Variants in DMD observed in about 807,000 individuals in gnomAD.
DMD encodes mutant dystrophin.
In DMD, 63 loss-of-function variants were observed where a neutral mutation model predicts 330.1. The ratio of observed to expected loss-of-function variants is 0.19; its 90% CI spans 0.16 to 0.24. DMD has a LOEUF of 0.24. Among genes scored for constraint, DMD ranks in the 10% least tolerant of loss-of-function variants. The pLI, the probability that DMD is intolerant of heterozygous loss-of-function variation, is 1.00. For missense variants in DMD, 3,344 were observed against 2,684.1 expected, an observed-to-expected ratio of 1.25 and a Z score of -5.43; for synonymous variants, 1,223 against 959.8, an observed-to-expected ratio of 1.27 and a Z score of -5.07.
intron 2 of DMD, among the ~76,000 whole-genome samples, chrX:32,997,244 C>T (rs761545983): frequency 3.7e-4 from 40 of 107,920 alleles, no homozygotes; most frequent in Middle Eastern, 9.8e-3. Context: ...GAGAGCCTCC[C>T]GCCATTTTTT....
intron 60 of DMD, among the ~76,000 whole-genome samples, chrX:31,372,850 G>A (rs1037413931): frequency 9.0e-5 from 10 of 111,108 alleles, no homozygotes; most frequent in African/African-American, 3.3e-4. Flanking sequence ...AGGAAATAAA[G>A]GGTATTCAAT....
intron 12 of DMD, among the ~76,000 whole-genome samples, chrX:32,597,155 C>T (rs1471274211): frequency 1.8e-5 from 2 of 111,762 alleles, no homozygotes; most frequent in Non-Finnish European, 3.8e-5. Flanking sequence ...TCATTCAGGA[C>T]TCAATGTAAG....
At chrX:32,496,493 T>C (rs1471758409) in intron 19 of DMD, among the ~76,000 whole-genome samples, 2 of 112,151 alleles carry the variant, frequency 1.8e-5, no homozygotes, top group African/African-American at 3.2e-5. Context: ...ATACCCCTAG[T>C]GAGGGCAATA....
At chrX:31,325,087 G>T (rs1183383329) in intron 61 of DMD, among the ~76,000 whole-genome samples, 1 of 111,763 alleles carries the variant, frequency 8.9e-6, no homozygotes, top group African/African-American at 3.3e-5. Flanking sequence ...AGAGAAAAAA[G>T]ACATTTAGCT....
At chrX:31,993,467 G>C (rs950655769) in intron 44 of DMD, among the ~76,000 whole-genome samples, 7 of 111,481 alleles carry the variant, frequency 6.3e-5, no homozygotes, top group Non-Finnish European at 1.3e-4. Context: ...GCTAATGTCA[G>C]ATGGAAACAA....
At chrX:33,137,064 C>T (rs2095531943) in intron 1 of DMD, among the ~76,000 whole-genome samples, 1 of 110,239 alleles carries the variant, frequency 9.1e-6, no homozygotes, top group Non-Finnish European at 1.9e-5. Context: ...CTAGAAATAT[C>T]CTTTCTATAA....
At chrX:33,269,309 A>G (rs756260429) in intron 1 of DMD, among the ~76,000 whole-genome samples, 5 of 111,450 alleles carry the variant, frequency 4.5e-5, no homozygotes, top group African/African-American at 6.5e-5. Context: ...GAGCTGGAGG[A>G]CATTATATTA....
At chrX:31,134,359 A>G (rs1569313627) in intron 76 of DMD, among the ~76,000 whole-genome samples, 165 bp from the exon 77 acceptor site, 1 of 111,177 alleles carries the variant, frequency 9.0e-6, no homozygotes, top group African/African-American at 3.3e-5. Flanking sequence ...TTTAAAGGGA[A>G]GAAGAAATCC....
intron 2 of DMD, among the ~76,000 whole-genome samples, chrX:32,915,979 T>G (rs950620468): frequency 9.0e-6 from 1 of 111,502 alleles, no homozygotes; most frequent in Non-Finnish European, 1.9e-5. Context: ...TGAAAATGAT[T>G]GATGAACTGT....
At chrX:32,730,957 C>T (rs1040173378) in intron 7 of DMD, among the ~76,000 whole-genome samples, 1 of 111,656 alleles carries the variant, frequency 9.0e-6, no homozygotes, top group Non-Finnish European at 1.9e-5. Context: ...CCAGAGTGAG[C>T]GACGCAGAAG....
chrX:32,138,076 C>T (rs1299826367), intron 44 of DMD, among the ~76,000 whole-genome samples: 1 of 108,742 alleles, frequency 9.2e-6, no homozygotes, highest in Non-Finnish European at 1.9e-5. Context: ...TTCCCAAGGT[C>T]GCCCACCTTA....
At chrX:32,870,958 C>CCAAAAAA (rs2082908679) in intron 2 of DMD, among the ~76,000 whole-genome samples, 1 of 14,768 alleles carries the variant, frequency 6.8e-5, no homozygotes, top group African/African-American at 2.5e-4. Context: ...TTCTGTACAG[C>CCAAAAAA]AAAAAAAAAA....
At chrX:33,162,789 CACTTA>C (rs1178501948) in intron 1 of DMD, among the ~76,000 whole-genome samples, 1 of 110,297 alleles carries the variant, frequency 9.1e-6, no homozygotes, top group Non-Finnish European at 1.9e-5. Context: ...AATTTTTCCT[CACTTA>C]AGATTCTGTA....
intron 7 of DMD, among the ~76,000 whole-genome samples, chrX:32,702,612 AT>A (rs1214446558): frequency 3.6e-5 from 4 of 111,586 alleles, no homozygotes; most frequent in Non-Finnish European, 7.5e-5. Context: ...CACCATCAAA[AT>A]TTTATTAAAG....
rs140421560 is a variant in DMD, at chrX:31,866,012, T to C, written c.7098+9176A>G. Among the ~76,000 whole-genome samples, 202 of 111,204 alleles carry C rather than the reference T, an allele frequency of 1.8e-3. No homozygotes were observed. In the South Asian group the frequency reaches 0.018, roughly 10 times the overall value. ...ATGGCACAAACTAGGCTTCTCTTCT[T>C]GTTAGTTTGATTTTTACTAAAGATG... On this transcript the variant is annotated intron_variant, in intron 48 of 78. Coordinates refer to ENST00000357033, the MANE Select transcript of DMD (RefSeq NM_004006.3).
At chrX:32,568,887 G>T (rs1161594345) in intron 15 of DMD, among the ~76,000 whole-genome samples, 1 of 111,756 alleles carries the variant, frequency 8.9e-6, no homozygotes, top group East Asian at 2.8e-4. Context: ...TTAAGCTTAG[G>T]TCTTACATGT....
chrX:33,171,124 T>C (rs2049318730), intron 1 of DMD, among the ~76,000 whole-genome samples: 1 of 110,516 alleles, frequency 9.0e-6, no homozygotes, highest in South Asian at 3.8e-4. Flanking sequence ...CTTAACAACA[T>C]ATAATGTTAC....
intron 2 of DMD, among the ~76,000 whole-genome samples, chrX:32,898,984 T>C (rs780339163): frequency 8.9e-6 from 1 of 112,215 alleles, no homozygotes; most frequent in Admixed American, 9.4e-5. Flanking sequence ...GTAGACAACA[T>C]GCACACATAA....
At chrX:33,213,555 T>A (rs904490604), upstream of DMD, among the ~76,000 whole-genome samples, 1 of 112,027 alleles carries the variant, frequency 8.9e-6, no homozygotes, top group South Asian at 3.7e-4. Context: ...AATAACTACA[T>A]CTTGTAGGTC....
Sources: gnomAD v4.1 joint callset for allele counts (sites outside exome capture counted in the v4.1 genomes callset) on GRCh38, gnomAD v4.1.1 for gene constraint, MANE v1.5 for transcripts, NCBI Gene and HGNC (gene_info 2026-07-23, HGNC 2026-07-21) for gene names.